DGKI: variants seen among roughly 807,000 people sequenced by gnomAD.
DGKI encodes the protein DAG kinase iota.
A neutral mutation model predicts 147.5 loss-of-function variants in DGKI; 55 were observed. The observed-to-expected ratio is 0.37, with a 90% CI of 0.30 to 0.47. The LOEUF (loss-of-function observed/expected upper bound fraction) is 0.47. Ranked by LOEUF, DGKI falls within the 20% of genes least tolerant of loss-of-function variation. The pLI, the probability that DGKI is intolerant of heterozygous loss-of-function variation, is 1.00. For missense variants in DGKI, 1,007 were observed against 1,323.8 expected (o/e 0.76, Z 3.71); for synonymous variants, 469 against 477.1 (o/e 0.98, Z 0.22).
At position 137,762,796 on chromosome 7, in the gene DGKI, T is replaced by C. The variant is rs536794765; in HGVS notation, c.402-72794A>G. Among the ~76,000 whole-genome samples the C allele has an allele frequency of 6.6e-5, 10 of 152,340 alleles. No homozygotes were observed. In the South Asian group the frequency reaches 2.1e-3, roughly 32 times the overall value. ...TGACCTCCACCAAAGTATTACAGGA[T>C]ACGTCTGCCTCCTGCTCTCCTTGCT... On this transcript the variant is annotated intron_variant, in intron 1 of 32. Coordinates refer to ENST00000614521, the MANE Select transcript of DGKI (RefSeq NM_001321708.2).
chr7:137,490,679 C>T (rs1027539843), intron 21 of DGKI, among the ~76,000 whole-genome samples: 5 of 152,208 alleles, frequency 3.3e-5, no homozygotes, highest in Non-Finnish European at 5.9e-5. Flanking sequence ...TCCTTCTACA[C>T]TATGGTTAAC....
intron 1 of DGKI, among the ~76,000 whole-genome samples, chr7:137,840,329 A>G (rs1282366791): frequency 3.9e-5 from 6 of 152,236 alleles, no homozygotes; most frequent in Non-Finnish European, 5.9e-5. Context: ...GAAGTAATAT[A>G]GAACAGAGGT....
At chr7:137,699,281 G>A (rs977647925) in intron 1 of DGKI, among the ~76,000 whole-genome samples, 1 of 152,184 alleles carries the variant, frequency 6.6e-6, no homozygotes, top group Admixed American at 6.5e-5. Context: ...CATCACCTTG[G>A]GGGTTAGGAT....
intron 1 of DGKI, among the ~76,000 whole-genome samples, chr7:137,752,154 T>C (rs1795509132): frequency 6.6e-6 from 1 of 152,036 alleles, no homozygotes; most frequent in African/African-American, 2.4e-5. Context: ...GATTTCTCCC[T>C]GGATAATAAA....
In DGKI at chr7:137,510,672, G is replaced by T. The variant is rs150139828; in HGVS notation, c.2248+11194C>A. On this transcript the variant is annotated intron_variant, in intron 21 of 32. Transcript: ENST00000614521. ...TCTTTCACAATTTCTACATCATGCT[G>T]TCTGTTACACTGCAGGGTGATGGTC... 3.2e-4 allele frequency among the ~76,000 whole-genome samples: 48 copies of T among 152,316 alleles called. 1 individual carries two copies. The East Asian group carries it at 8.9e-3, about 28-fold the overall frequency.
intron 1 of DGKI, among the ~76,000 whole-genome samples, chr7:137,745,077 C>T (rs1002721754): frequency 2.6e-5 from 4 of 152,064 alleles, no homozygotes; most frequent in East Asian, 1.9e-4. Context: ...AATCTATACA[C>T]GTGCCCCCTG....
chr7:137,812,125 G>A (rs6966474), intron 1 of DGKI, among the ~76,000 whole-genome samples: 71,041 of 151,948 alleles, frequency 0.47, 17,283 homozygotes, highest in Middle Eastern at 0.61. Flanking sequence ...CCATTCCCTC[G>A]GGCTTCCTGT....
At chr7:137,823,988 A>C (rs917588628) in intron 1 of DGKI, among the ~76,000 whole-genome samples, 2 of 152,212 alleles carry the variant, frequency 1.3e-5, no homozygotes, top group Non-Finnish European at 2.9e-5. Flanking sequence ...AGCATTTATT[A>C]ATGATTTAAA....
intron 2 of DGKI, among the ~76,000 whole-genome samples, chr7:137,682,022 G>C (rs964004937): frequency 2.0e-5 from 3 of 152,172 alleles, no homozygotes; most frequent in Admixed American, 2.0e-4. Flanking sequence ...ATGGTTGCTG[G>C]GAGAAGTTAG....
At chr7:137,708,583 T>C (rs2116552094) in intron 1 of DGKI, among the ~76,000 whole-genome samples, 1 of 152,354 alleles carries the variant, frequency 6.6e-6, no homozygotes, top group South Asian at 2.1e-4. Flanking sequence ...AGAATCAGAC[T>C]TTTAGACATT....
At position 137,682,351 on chromosome 7, in the gene DGKI, T is replaced by C. The variant is rs550896310; in HGVS notation, c.511-3699A>G. 1.2e-3 allele frequency among the ~76,000 whole-genome samples: 177 copies of C among 152,302 alleles called. 1 individual carries two copies. Among genetic ancestry groups the C allele is most frequent in the Non-Finnish European group, 2.2e-3 (152 of 68,022 alleles). ...AATGTGAGCTTTGGAGTCAGACTTA[T>C]TGCCCAATAGTTGTATGACTCAGGG... On this transcript the variant is annotated intron_variant, in intron 2 of 32. Coordinates refer to ENST00000614521, the MANE Select transcript of DGKI (RefSeq NM_001321708.2).
chr7:137,464,626 G>T (rs1038547092), intron 26 of DGKI, among the ~76,000 whole-genome samples: 3 of 152,184 alleles, frequency 2.0e-5, no homozygotes, highest in Non-Finnish European at 4.4e-5. Context: ...GCAGCCACTT[G>T]TGTCCTCTCT....
chr7:137,598,131 A>C (rs1283954464), intron 11 of DGKI, among the ~76,000 whole-genome samples: 1 of 152,238 alleles, frequency 6.6e-6, no homozygotes, highest in East Asian at 1.9e-4. Flanking sequence ...TGAATAATTC[A>C]ACGTTGGAAT....
chr7:137,557,073 T>C (rs1270141182), intron 19 of DGKI, among the ~76,000 whole-genome samples: 1 of 152,178 alleles, frequency 6.6e-6, no homozygotes. Context: ...TCCCTGGGTC[T>C]CTAGCCTGTC....
chr7:137,782,668 T>C (rs370226026), intron 1 of DGKI, among the ~76,000 whole-genome samples: 15 of 152,274 alleles, frequency 9.9e-5, no homozygotes, highest in East Asian at 7.7e-4. Flanking sequence ...CACCACCTCC[T>C]GGCTGGAGGC....
At chr7:137,607,575 A>T (rs1253802529) in intron 10 of DGKI, among the ~76,000 whole-genome samples, 1 of 152,222 alleles carries the variant, frequency 6.6e-6, no homozygotes, top group Non-Finnish European at 1.5e-5. Context: ...AATGCATCTT[A>T]TATGTGGACT....
At chr7:137,553,861 C>T (rs982917173) in intron 19 of DGKI, among the ~76,000 whole-genome samples, 3 of 152,170 alleles carry the variant, frequency 2.0e-5, no homozygotes, top group African/African-American at 4.8e-5. Context: ...TGATTTTACT[C>T]TTTTTATTTT....
intron 20 of DGKI, among the ~76,000 whole-genome samples, chr7:137,529,413 C>A (rs1817263864): frequency 6.6e-6 from 1 of 152,048 alleles, no homozygotes; most frequent in African/African-American, 2.4e-5. Context: ...GAATAGGGAC[C>A]ACTCAAAAGA....
intron 4 of DGKI, among the ~76,000 whole-genome samples, chr7:137,655,923 T>G (rs1404801109): frequency 6.6e-6 from 1 of 152,218 alleles, no homozygotes; most frequent in East Asian, 1.9e-4. Flanking sequence ...CCGAATCCAC[T>G]GATTCTGGAG....
Sources: allele counts gnomAD v4.1 joint callset (sites outside exome capture counted in the v4.1 genomes callset), GRCh38; gene constraint gnomAD v4.1.1; transcripts MANE v1.5; gene names NCBI Gene and HGNC (gene_info 2026-07-23, HGNC 2026-07-21).